The following CACNA1D variants were observed in gnomAD, a reference collection of about 807,000 sequenced individuals.
CACNA1D encodes the protein calcium voltage-gated channel subunit alpha1 D.
A neutral mutation model predicts 257.1 loss-of-function variants in CACNA1D; 55 were observed. The ratio of observed to expected loss-of-function variants is 0.21; its 90% CI spans 0.17 to 0.27. The LOEUF (loss-of-function observed/expected upper bound fraction) is 0.27. Among genes scored for constraint, CACNA1D ranks in the 10% least tolerant of loss-of-function variants. CACNA1D has a pLI of 1.00. For synonymous variants in CACNA1D, 980 were observed against 1,014.9 expected (o/e 0.97, Z 0.65); for missense variants, 1,876 against 2,784.0 (o/e 0.67, Z 7.34).
chr3:53,589,483 G>A (rs1305419926), intron 3 of CACNA1D, among the ~76,000 whole-genome samples: 3 of 152,170 alleles, frequency 2.0e-5, no homozygotes, highest in South Asian at 2.1e-4. Flanking sequence ...AATCAAGGTC[G>A]GCCTTGTCCT....
chr3:53,552,300 G>A (rs141164306), intron 3 of CACNA1D, among the ~76,000 whole-genome samples: 1 of 152,296 alleles, frequency 6.6e-6, no homozygotes, highest in East Asian at 1.9e-4. Flanking sequence ...GGGCTGGGTC[G>A]GAAGCTATGC....
chr3:53,763,583 T>C (rs1044280788), intron 30 of CACNA1D, among the ~76,000 whole-genome samples: 1 of 152,216 alleles, frequency 6.6e-6, no homozygotes, highest in African/African-American at 2.4e-5. Flanking sequence ...TTGTGTGGTA[T>C]TGGCTTTTGC....
At chr3:53,684,798 G>C (rs761466876) in intron 8 of CACNA1D, among the ~76,000 whole-genome samples, 7 of 151,938 alleles carry the variant, frequency 4.6e-5, no homozygotes, top group Non-Finnish European at 7.4e-5. Context: ...AAGTTAAATG[G>C]AGCTTCACTG....
At chr3:53,730,778 G>A (rs749965804) in intron 16 of CACNA1D, among the ~76,000 whole-genome samples, 4 of 152,222 alleles carry the variant, frequency 2.6e-5, no homozygotes, top group Admixed American at 6.5e-5. Context: ...TGGGAGTCAC[G>A]TGTCCCCATG....
intron 29 of CACNA1D, among the ~76,000 whole-genome samples, chr3:53,760,217 C>T (rs1041020476): frequency 2.0e-5 from 3 of 152,116 alleles, no homozygotes; most frequent in Non-Finnish European, 4.4e-5. Context: ...GTAGCTCCCC[C>T]ATAAATGCAC....
intron 21 of CACNA1D, among the ~76,000 whole-genome samples, chr3:53,741,235 G>A (rs1243433411): frequency 6.6e-6 from 1 of 152,178 alleles, no homozygotes; most frequent in Non-Finnish European, 1.5e-5. Flanking sequence ...GGGAGAACGT[G>A]GCCCATCAGA....
chr3:53,747,101 A>T (rs182835175), intron 25 of CACNA1D, among the ~76,000 whole-genome samples: 1 of 152,134 alleles, frequency 6.6e-6, no homozygotes, highest in Non-Finnish European at 1.5e-5. Context: ...TAGTTATTCA[A>T]TGGTTATTTG....
chr3:53,712,990 G>T (rs1413914232), intron 9 of CACNA1D, among the ~76,000 whole-genome samples: 1 of 152,210 alleles, frequency 6.6e-6, no homozygotes, highest in Non-Finnish European at 1.5e-5. Flanking sequence ...CCTCTGGGGA[G>T]CTACTGCTTC....
chr3:53,730,159 C>G (rs1042798336), intron 15 of CACNA1D, among the ~76,000 whole-genome samples: 2 of 152,152 alleles, frequency 1.3e-5, no homozygotes, highest in African/African-American at 4.8e-5. Context: ...CACACACACA[C>G]AGAGAAAGGT....
chr3:53,560,704 T>G (rs13073663), intron 3 of CACNA1D, among the ~76,000 whole-genome samples: 1 of 152,228 alleles, frequency 6.6e-6, no homozygotes, highest in African/African-American at 2.4e-5. Context: ...AAACTATTGA[T>G]TGACACTGAA....
At chr3:53,658,042 G>A (rs1462520037) in intron 4 of CACNA1D, among the ~76,000 whole-genome samples, 2 of 152,232 alleles carry the variant, frequency 1.3e-5, no homozygotes, top group South Asian at 2.1e-4. Flanking sequence ...GTGAAGGCTT[G>A]TATGTGACTC....
chr3:53,789,639 G>A lies in CACNA1D; in HGVS notation c.4923+2687G>A, dbSNP rs2095473731. Among the ~76,000 whole-genome samples, 1 of 152,220 alleles carries A rather than the reference G, an allele frequency of 6.6e-6. No individual in the cohort carries two copies. Among genetic ancestry groups the A allele is most frequent in the Non-Finnish European group, 1.5e-5 (1 of 68,036 alleles). On this transcript the variant is annotated intron_variant, in intron 40 of 47. Coordinates refer to ENST00000350061, the MANE Select transcript of CACNA1D (RefSeq NM_001128840.3). This position sits in a 1 kb window ranked among gnomAD's most constrained non-coding sequence, Gnocchi z 4.2. ...GATGGCTTGCCTCCTCCCACAGCAGGGTGCCCCATGGCTGGCAGACTGCGT... is the reference window on the plus strand; with the variant it reads ...GATGGCTTGCCTCCTCCCACAGCAGAGTGCCCCATGGCTGGCAGACTGCGT...
At chr3:53,510,817 A>T (rs2091074729) in intron 3 of CACNA1D, among the ~76,000 whole-genome samples, 1 of 152,168 alleles carries the variant, frequency 6.6e-6, no homozygotes, top group African/African-American at 2.4e-5. Flanking sequence ...ATCTGGTTAG[A>T]GTAGAAAGTC....
intron 3 of CACNA1D, among the ~76,000 whole-genome samples, chr3:53,642,556 AG>A (rs1209968058): frequency 6.6e-6 from 1 of 152,202 alleles, no homozygotes. Flanking sequence ...TAACTGTTGT[AG>A]TCTTGGCAGC....
chr3:53,800,740 G>T lies in CACNA1D; in HGVS notation c.5041-318G>T. On this transcript the variant is annotated intron_variant, in intron 41 of 47. Coordinates refer to ENST00000350061, the MANE Select transcript of CACNA1D (RefSeq NM_001128840.3). This position sits in a 1 kb window ranked among gnomAD's most constrained non-coding sequence, Gnocchi z 4.3. ...GGCTGTCAGTCCCCCAGCCCAGAGA[G>T]CATGCCCAACCTTGGGGCCACCAGC... is the stretch of plus-strand genomic sequence containing the variant. 1 of 511,016 alleles carries T rather than the reference G, an allele frequency of 2.0e-6. No homozygotes were observed. Among genetic ancestry groups the T allele is most frequent in the South Asian group, 2.0e-5 (1 of 49,352 alleles). 31.7% of individuals were successfully genotyped at this position (511,016 alleles called of 1,614,324 possible).
chr3:53,662,937 C>T (rs2094219204), intron 5 of CACNA1D, among the ~76,000 whole-genome samples: 2 of 152,146 alleles, frequency 1.3e-5, no homozygotes, highest in South Asian at 2.1e-4. Context: ...ATGATAGAAA[C>T]CTGGCCATGG....
chr3:53,733,547 G>A (rs1034811022), intron 19 of CACNA1D, among the ~76,000 whole-genome samples: 1 of 152,144 alleles, frequency 6.6e-6, no homozygotes, highest in Non-Finnish European at 1.5e-5. Flanking sequence ...ACTTAAAATA[G>A]CATTTCTCAT....
intron 3 of CACNA1D, among the ~76,000 whole-genome samples, chr3:53,591,419 A>AT (rs1381149121): frequency 6.6e-6 from 1 of 151,866 alleles, no homozygotes; most frequent in Admixed American, 6.6e-5. Context: ...CGCCCCGCTA[A>AT]TTTTTTGAAT....
chr3:53,547,754 C>T (rs949382596), intron 3 of CACNA1D, among the ~76,000 whole-genome samples: 1 of 152,142 alleles, frequency 6.6e-6, no homozygotes, highest in Non-Finnish European at 1.5e-5. Flanking sequence ...ATGACCCAAC[C>T]ATGGCAATTT....
Sources: gnomAD v4.1 joint callset for allele counts (sites outside exome capture counted in the v4.1 genomes callset) on GRCh38, gnomAD v4.1.1 for gene constraint, Gnocchi (gnomAD v3.1) non-coding constraint, MANE v1.5 for transcripts, NCBI Gene and HGNC (gene_info 2026-07-23, HGNC 2026-07-21) for gene names.